The following FRMPD2 variants were observed in gnomAD, a reference collection of about 807,000 sequenced individuals.
The protein encoded by FRMPD2 is FERM and PDZ domain-containing protein 2.
A neutral mutation model predicts 140.1 loss-of-function variants in FRMPD2; 96 were observed. The ratio of observed to expected loss-of-function variants is 0.69; its 90% CI spans 0.58 to 0.81. The LOEUF (loss-of-function observed/expected upper bound fraction) is 0.81. Ranked by LOEUF, FRMPD2 falls within the 40% of genes least tolerant of loss-of-function variation. FRMPD2 has a pLI of 0.00. For synonymous variants in FRMPD2, 449 were observed against 547.6 expected (o/e 0.82, Z 2.52); for missense variants, 1,240 against 1,447.4 (o/e 0.86, Z 2.32).
chr10:48,206,022 C>A (rs1254475338), intron 14 of FRMPD2, among the ~76,000 whole-genome samples: 1 of 152,088 alleles, frequency 6.6e-6, no homozygotes, highest in African/African-American at 2.4e-5. Context: ...TAAAGAACTT[C>A]ATATTTTATA....
At chr10:48,245,287 A>ATGTAT (rs1380608547) in intron 3 of FRMPD2, among the ~76,000 whole-genome samples, 22 of 152,336 alleles carry the variant, frequency 1.4e-4, no homozygotes, top group African/African-American at 5.1e-4. Context: ...CACAGCCTGG[A>ATGTAT]TCCTTGATGA....
At chr10:48,159,873 G>A (rs1736015930) in intron 28 of FRMPD2, among the ~76,000 whole-genome samples, 1 of 151,666 alleles carries the variant, frequency 6.6e-6, no homozygotes, top group South Asian at 2.1e-4. Context: ...GTGCACATGA[G>A]TGGGAGAACT....
chr10:48,179,695 C>T (rs1357385227), intron 21 of FRMPD2, among the ~76,000 whole-genome samples: 2 of 151,868 alleles, frequency 1.3e-5, no homozygotes, highest in Admixed American at 6.5e-5. Flanking sequence ...AAGAAAGATA[C>T]GGGTTTTATC....
At chr10:48,186,438 A>C (rs557511193) in intron 17 of FRMPD2, among the ~76,000 whole-genome samples, 62 of 152,334 alleles carry the variant, frequency 4.1e-4, no homozygotes, top group African/African-American at 1.5e-3. Context: ...GGAGGGACCC[A>C]GGGGGAAGTA....
intron 17 of FRMPD2, among the ~76,000 whole-genome samples, chr10:48,186,177 T>C (rs1838680247): frequency 6.6e-6 from 1 of 152,242 alleles, no homozygotes; most frequent in Non-Finnish European, 1.5e-5. Flanking sequence ...CCTGAAGCTG[T>C]TCCTGGAGAG....
intron 12 of FRMPD2, among the ~76,000 whole-genome samples, chr10:48,217,532 T>G (rs1275824625): frequency 6.6e-6 from 1 of 152,152 alleles, no homozygotes; most frequent in African/African-American, 2.4e-5. Context: ...ATGAATCAAT[T>G]TAGGGGCCCA....
intron 16 of FRMPD2, among the ~76,000 whole-genome samples, chr10:48,189,148 G>A (rs140881257): frequency 1.9e-3 from 286 of 152,262 alleles, no homozygotes; most frequent in African/African-American, 6.7e-3. Flanking sequence ...TCCATTTACT[G>A]AAAGCTTTCC....
intron 12 of FRMPD2, among the ~76,000 whole-genome samples, chr10:48,214,641 G>T (rs1839404943): frequency 4.6e-5 from 7 of 152,126 alleles, no homozygotes; most frequent in Admixed American, 4.6e-4. Context: ...TAGGATCTTT[G>T]ATCCAGGATC....
At chr10:48,202,906 T>G (rs1014647090) in intron 14 of FRMPD2, among the ~76,000 whole-genome samples, 2 of 152,114 alleles carry the variant, frequency 1.3e-5, no homozygotes, top group African/African-American at 4.8e-5. Flanking sequence ...GTTCAAGCAA[T>G]CCTCGCACCT....
chr10:48,216,290 G>GGATAGATA (rs71788001), intron 12 of FRMPD2, among the ~76,000 whole-genome samples: 36,099 of 149,502 alleles, frequency 0.24, 4,507 homozygotes, highest in East Asian at 0.32. Context: ...CATAGATGAT[G>GGATAGATA]GATAGATAGA....
chr10:48,180,055 G>T (rs1432872229), intron 21 of FRMPD2, among the ~76,000 whole-genome samples: 24 of 152,112 alleles, frequency 1.6e-4, no homozygotes, highest in Non-Finnish European at 2.9e-5. Context: ...AGGGGCACAG[G>T]CAACCTGTGT....
At chr10:48,163,015 A>G (rs1394113682) in intron 28 of FRMPD2, among the ~76,000 whole-genome samples, 1 of 147,690 alleles carries the variant, frequency 6.8e-6, no homozygotes, top group African/African-American at 2.6e-5. Context: ...CTTACTACAA[A>G]GCTTTAACAG....
intron 1 of FRMPD2, among the ~76,000 whole-genome samples, chr10:48,260,811 T>G (rs1840575829): frequency 6.6e-6 from 1 of 152,172 alleles, no homozygotes; most frequent in African/African-American, 2.4e-5. Context: ...AGAACCAGAC[T>G]CTGATATAGC....
intron 9 of FRMPD2, among the ~76,000 whole-genome samples, chr10:48,232,514 C>G (rs1018550274): frequency 6.6e-6 from 1 of 152,198 alleles, no homozygotes; most frequent in African/African-American, 2.4e-5. Context: ...GAACTGGACT[C>G]AAATCTGAGC....
chr10:48,222,949 C>T (rs185962894), intron 11 of FRMPD2, among the ~76,000 whole-genome samples, 174 bp downstream of exon 11: 3 of 152,280 alleles, frequency 2.0e-5, no homozygotes, highest in Admixed American at 2.0e-4. Flanking sequence ...AACTGATTTT[C>T]CTCCTTTGTT....
At position 48,263,662 on chromosome 10, in the gene FRMPD2, T is replaced by C. The variant is rs545432351; in HGVS notation, c.25+10881A>G. On this transcript the variant is annotated intron_variant, in intron 1 of 28. Transcript: ENST00000374201. The stretch of plus-strand genomic sequence containing the variant: ...AAATTGAATTAATAATTAATGGCCT[T>C]CCAAAACATAAAGCACCAGGCCCAA... Among the ~76,000 whole-genome samples the C allele has an allele frequency of 2.6e-5, 4 of 152,200 alleles. No homozygotes were observed. In the East Asian group the frequency reaches 7.7e-4, roughly 29 times the overall value.
In FRMPD2 at chr10:48,243,115, C is replaced by T. The variant is rs142741694; in HGVS notation, c.376-763G>A. Among the ~76,000 whole-genome samples, 3 of 152,282 alleles carry T rather than the reference C, an allele frequency of 2.0e-5. No individual in the cohort carries two copies. The East Asian group carries it at 5.8e-4, about 29-fold the overall frequency. ...GTACAGCCAAGCTGCTGAGTCCTGC[C>T]GTCACAGTAAATCCAGGCGTCTTTT... On this transcript the variant is annotated intron_variant, in intron 4 of 28. Coordinates refer to ENST00000374201, the MANE Select transcript of FRMPD2 (RefSeq NM_001018071.4).
At chr10:48,188,621 G>T (rs943944825) in intron 16 of FRMPD2, among the ~76,000 whole-genome samples, 1 of 152,208 alleles carries the variant, frequency 6.6e-6, no homozygotes, top group African/African-American at 2.4e-5. Context: ...CAACCAAGGT[G>T]CCCAGGGAGA....
chr10:48,211,874 C>A, intron 13 of FRMPD2, 80 bp downstream of exon 13: 1 of 1,426,338 alleles, frequency 7.0e-7, no homozygotes, highest in Non-Finnish European at 9.6e-7. Flanking sequence ...CACCTGGGCC[C>A]CTTGAGAAGG....
Sources: gnomAD v4.1 joint callset for allele counts (sites outside exome capture counted in the v4.1 genomes callset) on GRCh38, gnomAD v4.1.1 for gene constraint, MANE v1.5 for transcripts, NCBI Gene and HGNC (gene_info 2026-07-23, HGNC 2026-07-21) for gene names.